The following PDE1C variants were observed in gnomAD, a reference collection of about 807,000 sequenced individuals.
PDE1C encodes phosphodiesterase 1C.
In PDE1C, 62 loss-of-function variants were observed where a neutral mutation model predicts 93.1. The ratio of observed to expected loss-of-function variants is 0.67; its 90% CI spans 0.54 to 0.82. The LOEUF (loss-of-function observed/expected upper bound fraction) is 0.82, where lower values mean the gene tolerates loss of function less well. PDE1C is among the 40% of genes least tolerant of loss of function. The pLI is 0.00. For synonymous variants in PDE1C, 325 were observed against 310.1 expected, an observed-to-expected ratio of 1.05 and a Z score of -0.50; for missense variants, 742 against 884.6, an observed-to-expected ratio of 0.84 and a Z score of 2.04.
intron 1 of PDE1C, among the ~76,000 whole-genome samples, chr7:32,400,783 C>G (rs1784926376): frequency 6.6e-6 from 1 of 152,198 alleles, no homozygotes; most frequent in Non-Finnish European, 1.5e-5. Context: ...GACACTGTGA[C>G]ACACCGTTAG....
intron 7 of PDE1C, among the ~76,000 whole-genome samples, chr7:31,864,230 C>T (rs1795005378): frequency 6.6e-6 from 1 of 152,116 alleles, no homozygotes; most frequent in Non-Finnish European, 1.5e-5. Flanking sequence ...ATGGTGCACG[C>T]CCATAGTCCC....
rs533013365 is a variant in PDE1C at position 31,782,995 on chromosome 7, T to C, written c.1892-7263A>G. Among the ~76,000 whole-genome samples the C allele has an allele frequency of 2.6e-5, 4 of 152,250 alleles. No homozygotes were observed. The South Asian group carries it at 8.3e-4, about 32-fold the overall frequency. ...TATTAAATGCATTTTCGACTTACAG[T>C]TTTTTCAACCTACAATGAGTTTATT... On this transcript the variant is annotated intron_variant, in intron 16 of 17. Coordinates refer to ENST00000396191, the MANE Select transcript of PDE1C (RefSeq NM_001191057.4).
the PDE1C span, among the ~76,000 whole-genome samples, chr7:31,701,754 G>A: frequency 2.0e-5 from 3 of 152,212 alleles, no homozygotes; most frequent in East Asian, 5.8e-4. Context: ...TCAACATTGA[G>A]GCAAGCCTCT....
intron 17 of PDE1C, among the ~76,000 whole-genome samples, chr7:31,766,383 C>CAA (rs71727115): frequency 0.25 from 35,434 of 139,382 alleles, 4,487 homozygotes; most frequent in Admixed American, 0.33. Context: ...GACTGTGTCT[C>CAA]AAAAAAAAAA....
chr7:31,675,622 AG>A, the PDE1C span, among the ~76,000 whole-genome samples: 51 of 152,212 alleles, frequency 3.4e-4, 1 homozygote, highest in Middle Eastern at 6.8e-3. Flanking sequence ...AATGAATCTC[AG>A]AAACTTGAAA....
the PDE1C span, chr7:31,652,044 T>C: frequency 6.3e-7 from 1 of 1,593,184 alleles, no homozygotes; most frequent in South Asian, 1.1e-5. Context: ...GAGAAGGGAT[T>C]TTACTGGTAT....
At chr7:31,774,333 A>G (rs116336137) in intron 17 of PDE1C, among the ~76,000 whole-genome samples, 58 of 152,312 alleles carry the variant, frequency 3.8e-4, no homozygotes, top group African/African-American at 1.4e-3. Context: ...ATTCAAACCA[A>G]ATGTAGATAT....
the PDE1C span, among the ~76,000 whole-genome samples, chr7:31,623,599 G>T: frequency 1.4e-5 from 2 of 147,426 alleles, no homozygotes; most frequent in Non-Finnish European, 3.0e-5. Context: ...TTGATGGGAC[G>T]TATCTCAAAA....
intron 2 of PDE1C, among the ~76,000 whole-genome samples, chr7:32,026,270 T>C (rs1173035035): frequency 6.6e-6 from 1 of 152,132 alleles, no homozygotes; most frequent in East Asian, 1.9e-4. Flanking sequence ...AATAGGCACA[T>C]GGGGCAAAGC....
intron 9 of PDE1C, among the ~76,000 whole-genome samples, chr7:31,840,484 TA>T (rs551354053): frequency 2.0e-5 from 3 of 152,192 alleles, no homozygotes; most frequent in East Asian, 1.9e-4. Context: ...AATTTATCAT[TA>T]AAAAAATGCT....
At chr7:31,767,031 TC>T (rs1298732994) in intron 17 of PDE1C, among the ~76,000 whole-genome samples, 1 of 152,212 alleles carries the variant, frequency 6.6e-6, no homozygotes, top group Non-Finnish European at 1.5e-5. Flanking sequence ...CTGGATTTTT[TC>T]TTTCTTATCT....
intron 2 of PDE1C, among the ~76,000 whole-genome samples, chr7:31,966,418 A>G (rs1439533009): frequency 6.6e-6 from 1 of 152,216 alleles, no homozygotes; most frequent in Non-Finnish European, 1.5e-5. Context: ...ACTATCCTAA[A>G]TATATATGCA....
intron 2 of PDE1C, among the ~76,000 whole-genome samples, chr7:32,000,667 C>G (rs904253124): frequency 6.6e-6 from 1 of 152,084 alleles, no homozygotes; most frequent in Non-Finnish European, 1.5e-5. Context: ...AAGATGAGCC[C>G]TGGACACGCT....
intron 3 of PDE1C, among the ~76,000 whole-genome samples, chr7:32,131,055 A>G (rs1382085246): frequency 6.6e-6 from 1 of 152,114 alleles, no homozygotes; most frequent in Non-Finnish European, 1.5e-5. Flanking sequence ...CATTCCACCA[A>G]AGAGTGCTGG....
At chr7:31,759,096 C>T (rs2128604629) in intron 17 of PDE1C, among the ~76,000 whole-genome samples, 1 of 152,324 alleles carries the variant, frequency 6.6e-6, no homozygotes, top group South Asian at 2.1e-4. Context: ...TGTGGAAATA[C>T]TTATATGGCT....
the PDE1C span, among the ~76,000 whole-genome samples, chr7:31,662,459 G>A: frequency 6.6e-6 from 1 of 152,068 alleles, no homozygotes; most frequent in Non-Finnish European, 1.5e-5. Flanking sequence ...GTTCCCACCT[G>A]AGTGGGCACT....
chr7:31,881,856 G>A (rs777965886), intron 2 of PDE1C, among the ~76,000 whole-genome samples: 3 of 152,268 alleles, frequency 2.0e-5, no homozygotes, highest in Non-Finnish European at 4.4e-5. Context: ...AAAGGCAATC[G>A]TTATAGCTAT....
At chr7:32,202,617 TG>T (rs1416379760) in intron 2 of PDE1C, among the ~76,000 whole-genome samples, 9 of 152,008 alleles carry the variant, frequency 5.9e-5, no homozygotes, top group Non-Finnish European at 5.9e-5. Flanking sequence ...GGTGGAGAAA[TG>T]GGGTAAGATA....
At chr7:32,145,968 G>A (rs879546231) in intron 3 of PDE1C, among the ~76,000 whole-genome samples, 1 of 152,076 alleles carries the variant, frequency 6.6e-6, no homozygotes, top group Non-Finnish European at 1.5e-5. Flanking sequence ...ATTATCTGCG[G>A]GCCTTTAGAT....
Sources: allele counts gnomAD v4.1 joint callset (sites outside exome capture counted in the v4.1 genomes callset), GRCh38; gene constraint gnomAD v4.1.1; transcripts MANE v1.5; gene names NCBI Gene and HGNC (gene_info 2026-07-23, HGNC 2026-07-21).